SLC25A17: variants seen among roughly 807,000 people sequenced by gnomAD.
The protein encoded by SLC25A17 is solute carrier family 25 member 17.
A neutral mutation model predicts 38.5 loss-of-function variants in SLC25A17; 26 were observed. That is an observed-to-expected ratio of 0.68 (90% CI 0.50 to 0.94). SLC25A17 has a LOEUF of 0.94. Ranked by LOEUF, SLC25A17 falls within the 40% of genes least tolerant of loss-of-function variation. SLC25A17 has a pLI of 0.00. For synonymous variants in SLC25A17, 139 were observed against 136.2 expected, an observed-to-expected ratio of 1.02 and a Z score of -0.14; for missense variants, 333 against 372.7, an observed-to-expected ratio of 0.89 and a Z score of 0.88.
chr22:40,772,017 TAAAAAAAAA>T (rs897386642), intron 8 of SLC25A17, among the ~76,000 whole-genome samples: 1 of 139,972 alleles, frequency 7.1e-6, no homozygotes, highest in Non-Finnish European at 1.6e-5. Flanking sequence ...ATTAAAAAAT[TAAAAAAAAA>T]AAAACAAAGC....
chr22:40,771,085 T>G, intron 8 of SLC25A17, 104 bp from the exon 9 acceptor site: 1 of 987,156 alleles, frequency 1.0e-6, no homozygotes, highest in South Asian at 2.3e-5. Flanking sequence ...GGTTTTAGAT[T>G]TCAACACAGA....
Position 40,794,938 on chromosome 22 carries a change from A to G in SLC25A17, c.116-358T>C, listed in dbSNP as rs147623912. On this transcript the variant is annotated intron_variant, in intron 2 of 8. Coordinates refer to ENST00000435456, the MANE Select transcript of SLC25A17 (RefSeq NM_006358.4). ...CCCGCCTATTTTTTAATATTTTTAG[A>G]GACGGAGTCTCACTATGTTACCCAG... is the stretch of plus-strand genomic sequence containing the variant. 1.7e-3 allele frequency among the ~76,000 whole-genome samples: 255 copies of G among 152,144 alleles called. 4 individuals are homozygous for G. Among genetic ancestry groups the G allele is most frequent in the Non-Finnish European group, 2.1e-3 (143 of 67,978 alleles).
intron 1 of SLC25A17, among the ~76,000 whole-genome samples, chr22:40,803,111 C>T (rs912930192): frequency 6.6e-6 from 1 of 152,144 alleles, no homozygotes; most frequent in Non-Finnish European, 1.5e-5. Context: ...AACACCAGAA[C>T]TTATTCATGT....
rs1174576251 is a variant in SLC25A17, at chr22:40,789,940, C to G, written c.334+2585G>C. Among the ~76,000 whole-genome samples the G allele has an allele frequency of 2.0e-5, 3 of 151,994 alleles. No homozygotes were observed. The highest frequency in any genetic ancestry group is 7.2e-5 in the African/African-American group (3 of 41,392). On this transcript the variant is annotated intron_variant, in intron 4 of 8. Coordinates refer to ENST00000435456, the MANE Select transcript of SLC25A17 (RefSeq NM_006358.4). This position sits in a 1 kb window ranked among gnomAD's most constrained non-coding sequence, Gnocchi z 4.5. ...ACAGGGGTGAGCCACCACACCTGGC[C>G]TTGGACCATTTTCTGACAAGACAAC...
At chr22:40,814,159 C>G (rs1049793766) in intron 1 of SLC25A17, among the ~76,000 whole-genome samples, 2 of 152,180 alleles carry the variant, frequency 1.3e-5, no homozygotes, top group Admixed American at 6.5e-5. Flanking sequence ...CAAGCATGCT[C>G]TTCCACTATC....
At chr22:40,793,774 G>A (rs773146933) in intron 3 of SLC25A17, among the ~76,000 whole-genome samples, 15 of 152,050 alleles carry the variant, frequency 9.9e-5, no homozygotes, top group South Asian at 2.1e-4. Context: ...TACCACGCCC[G>A]GCTAATTTTG....
At chr22:40,815,332 G>A (rs1046461420) in intron 1 of SLC25A17, among the ~76,000 whole-genome samples, 2 of 152,166 alleles carry the variant, frequency 1.3e-5, no homozygotes, top group African/African-American at 4.8e-5. Context: ...GCCATGGGCT[G>A]GAGGGGAGGA....
At chr22:40,797,433 G>A in intron 2 of SLC25A17, 1 of 530,350 alleles carries the variant, frequency 1.9e-6, no homozygotes, top group South Asian at 1.5e-5. Context: ...CAATGGCATT[G>A]AGTATGTGGC....
intron 6 of SLC25A17, 45 bp downstream of exon 6, chr22:40,777,183 G>A: frequency 1.2e-6 from 2 of 1,613,212 alleles, no homozygotes; most frequent in Non-Finnish European, 1.7e-6. Context: ...TCAACAAGAA[G>A]GTGTCAGACA....
chr22:40,792,405 ACC>A, intron 4 of SLC25A17, 118 bp downstream of exon 4: 3 of 833,056 alleles, frequency 3.6e-6, no homozygotes, highest in East Asian at 2.7e-5. Flanking sequence ...AAAAAAAAAA[ACC>A]AAGTTGGAAA....
chr22:40,806,897 C>T (rs1314021871), intron 1 of SLC25A17, among the ~76,000 whole-genome samples: 1 of 152,150 alleles, frequency 6.6e-6, no homozygotes, highest in African/African-American at 2.4e-5. Flanking sequence ...GGAGTACTGT[C>T]TGTACCTATT....
Position 40,770,715 on chromosome 22 carries a change from A to C in SLC25A17, c.*119T>G. 7.3e-6 allele frequency: 8 copies of C among 1,100,776 alleles called. No individual in the cohort carries two copies. Among genetic ancestry groups the C allele is most frequent in the Non-Finnish European group, 1.0e-5 (8 of 797,534 alleles). The allele number at this position is 1,100,776 out of a possible 1,614,324, so 68.2% of individuals were successfully genotyped here. ...CCCTGTGCACCCTTGGATGCTTTTC[A>C]AGCCAATGAGGGTAACATTTGTGGT... is the stretch of plus-strand genomic sequence containing the variant. On this transcript the variant is annotated 3_prime_UTR_variant, in exon 9 of 9. Coordinates refer to ENST00000435456, the MANE Select transcript of SLC25A17 (RefSeq NM_006358.4).
At chr22:40,806,090 C>T (rs1057424895) in intron 1 of SLC25A17, among the ~76,000 whole-genome samples, 1 of 152,126 alleles carries the variant, frequency 6.6e-6, no homozygotes, top group Non-Finnish European at 1.5e-5. Context: ...AATTCTGTGC[C>T]CAGAAAGCTA....
intron 1 of SLC25A17, among the ~76,000 whole-genome samples, chr22:40,814,790 T>TATATATATATATATATATA (rs56313372): frequency 8.4e-6 from 1 of 118,956 alleles, no homozygotes; most frequent in Non-Finnish European, 1.7e-5. Flanking sequence ...TATATATATA[T>TATATATATATATATATATA]TGTTGTTGTT....
chr22:40,774,034 A>G lies in SLC25A17; in HGVS notation c.694-15T>C, dbSNP rs756104234. On this transcript the variant is annotated splice_polypyrimidine_tract_variant and intron_variant, in intron 7 of 8. Transcript: ENST00000435456. ...TGACGCCCAAACTGAGGAAAGAGGG[A>G]AAAAAAACAAAAGTACTGTTGCTGT... The G allele has an allele frequency of 9.1e-6, 14 of 1,536,882 alleles. No individual in the cohort carries two copies. In the South Asian group the frequency reaches 1.3e-4, roughly 15 times the overall value.
chr22:40,792,580 C>G lies in SLC25A17; in HGVS notation c.279G>C (p.Trp93Cys). 2 of 1,613,930 alleles carry G rather than the reference C, an allele frequency of 1.2e-6. No homozygotes were observed. Among genetic ancestry groups the G allele is most frequent in the South Asian group, 2.2e-5 (2 of 91,050 alleles). Reference sequence around the variant, plus strand: ...CAGTGGTAGAATGTTGACCTTTGACCCAGAGTGCTTTGAGGCTATTAAAAG... The same window carrying G: ...CAGTGGTAGAATGTTGACCTTTGACGCAGAGTGCTTTGAGGCTATTAAAAG... Reference protein sequence around the residue: ...FYTFNSLKALWVKGQHSTTGK... With the variant: ...FYTFNSLKALCVKGQHSTTGK... The change falls in exon 4 of 9, where the codon TGG becomes TGC. Residue 93 changes from tryptophan (W) to cysteine (C), a missense_variant. Physicochemically the swap from Trp to Cys is radical, Grantham distance 215. Coordinates refer to ENST00000435456, the MANE Select transcript of SLC25A17 (RefSeq NM_006358.4).
At chr22:40,778,072 A>C (rs2057262607) in intron 5 of SLC25A17, among the ~76,000 whole-genome samples, 1 of 152,230 alleles carries the variant, frequency 6.6e-6, no homozygotes, top group African/African-American at 2.4e-5. Context: ...TTTGACTTTT[A>C]AAAACCACTA....
At chr22:40,781,840 C>T (rs1396875902) in intron 4 of SLC25A17, among the ~76,000 whole-genome samples, 1 of 152,084 alleles carries the variant, frequency 6.6e-6, no homozygotes, top group Non-Finnish European at 1.5e-5. Flanking sequence ...AAGCATGCCA[C>T]AAACCATTCG....
In SLC25A17 at chr22:40,796,222, A is replaced by G. The variant is rs1889143328; in HGVS notation, c.116-1642T>C. Among the ~76,000 whole-genome samples, 2 of 152,222 alleles carry G rather than the reference A, an allele frequency of 1.3e-5. 1 individual carries two copies. ...ACAAAACTCACCTCAATTAACTTCAAATTTCCTACCCATACCTGAAAAGTA... is the reference window on the plus strand; with the variant it reads ...ACAAAACTCACCTCAATTAACTTCAGATTTCCTACCCATACCTGAAAAGTA... On this transcript the variant is annotated intron_variant, in intron 2 of 8. Transcript: ENST00000435456.
Sources: gnomAD v4.1 joint callset for allele counts (sites outside exome capture counted in the v4.1 genomes callset) on GRCh38, gnomAD v4.1.1 for gene constraint, Gnocchi (gnomAD v3.1) non-coding constraint, MANE v1.5 for transcripts, NCBI Gene and HGNC (gene_info 2026-07-23, HGNC 2026-07-21) for gene names.